SDK1: variants seen among roughly 807,000 people sequenced by gnomAD.
The protein encoded by SDK1 is protein sidekick-1.
In SDK1, 157 loss-of-function variants were observed where a neutral mutation model predicts 245.5. That is an observed-to-expected ratio of 0.64 (90% CI 0.56 to 0.73). The LOEUF (loss-of-function observed/expected upper bound fraction) is 0.73, where lower values mean the gene tolerates loss of function less well. Among genes scored for constraint, SDK1 ranks in the 30% least tolerant of loss-of-function variants. SDK1 has a pLI of 0.00. For missense variants in SDK1, 3,583 were observed against 3,002.3 expected, an observed-to-expected ratio of 1.19 and a Z score of -4.52; for synonymous variants, 1,647 against 1,278.5, an observed-to-expected ratio of 1.29 and a Z score of -6.15.
At chr7:3,961,994 CACACACAT>C (rs1421276005) in intron 8 of SDK1, among the ~76,000 whole-genome samples, 3 of 151,388 alleles carry the variant, frequency 2.0e-5, no homozygotes, top group Non-Finnish European at 4.4e-5. Context: ...TGCACAAACA[CACACACAT>C]ACACACATGT....
chr7:3,526,130 A>C (rs1406938107), intron 1 of SDK1, among the ~76,000 whole-genome samples: 1 of 151,866 alleles, frequency 6.6e-6, no homozygotes. Flanking sequence ...GCTATTCAGG[A>C]GCTGAGGCAG....
chr7:3,958,880 T>C (rs1297714440), intron 7 of SDK1, 51 bp from the exon 8 acceptor site: 1 of 1,413,624 alleles, frequency 7.1e-7, no homozygotes, highest in South Asian at 1.2e-5. Context: ...ATATGGTCTC[T>C]GACATATCCT....
At chr7:3,393,273 C>T (rs1013125665) in intron 1 of SDK1, among the ~76,000 whole-genome samples, 1 of 151,956 alleles carries the variant, frequency 6.6e-6, no homozygotes, top group African/African-American at 2.4e-5. Context: ...CACCCGGCCC[C>T]TATTTTCAGT....
chr7:4,060,835 G>C (rs1440682250), intron 19 of SDK1, among the ~76,000 whole-genome samples: 1 of 152,066 alleles, frequency 6.6e-6, no homozygotes, highest in East Asian at 1.9e-4. Context: ...GTAAGGAGGG[G>C]ATCCAGTTTC....
intron 1 of SDK1, among the ~76,000 whole-genome samples, chr7:3,545,349 G>A (rs1779186883): frequency 1.3e-5 from 2 of 152,106 alleles, no homozygotes; most frequent in Non-Finnish European, 2.9e-5. Context: ...AGAGTTAATG[G>A]CTAAAGTGAG....
chr7:4,004,792 C>A (rs1249946318), intron 14 of SDK1, among the ~76,000 whole-genome samples: 1 of 152,078 alleles, frequency 6.6e-6, no homozygotes, highest in African/African-American at 2.4e-5. Flanking sequence ...ATATCACCTG[C>A]TATTCAGTCT....
Position 3,974,637 on chromosome 7 carries a change from C to T in SDK1, c.1994+92C>T, listed in dbSNP as rs112639730. 1,029 of 1,245,648 alleles carry T rather than the reference C, an allele frequency of 8.3e-4. 7 individuals are homozygous for T. The African/African-American group carries it at 0.011, about 14-fold the overall frequency. The allele number at this position is 1,245,648 out of a possible 1,614,324, so 77.2% of individuals were successfully genotyped here. ...ACTGCCACTTCACAAGTGTCACGCC[C>T]GGCTTGTGTCCCAAGTCAGCGGTCA... On this transcript the variant is annotated intron_variant, in intron 13 of 44. Transcript: ENST00000404826.
At position 3,418,145 on chromosome 7, in the gene SDK1, G is replaced by GCAAAAAAAAAAA. The variant is rs1292199670; in HGVS notation, c.298+116261_298+116262insCAAAAAAAAAAA. On this transcript the variant is annotated intron_variant, in intron 1 of 44. Transcript: ENST00000404826. ...GTGAAACCCGATCTCTACTAAAAAT[G>GCAAAAAAAAAAA]AAAAAAAAAAAAAAAAAAAAAAATA... Among the ~76,000 whole-genome samples, 292 of 119,680 alleles carry GCAAAAAAAAAAA rather than the reference G, an allele frequency of 2.4e-3. 30 individuals carry two copies. Among genetic ancestry groups the GCAAAAAAAAAAA allele is most frequent in the African/African-American group, 0.011 (274 of 25,756 alleles). The allele number at this position is 119,680 out of a possible 152,430, so 78.5% of individuals were successfully genotyped here. A position where few individuals can be genotyped will look rare whatever the true frequency, so the allele number is the denominator to read the frequency against.
intron 1 of SDK1, among the ~76,000 whole-genome samples, chr7:3,520,091 T>G (rs1439740398): frequency 2.0e-5 from 3 of 152,244 alleles, no homozygotes; most frequent in African/African-American, 4.8e-5. Flanking sequence ...ATTCTGTTTT[T>G]GCCATTGTGT....
At chr7:3,800,182 T>C (rs1779070394) in intron 4 of SDK1, among the ~76,000 whole-genome samples, 3 of 152,210 alleles carry the variant, frequency 2.0e-5, no homozygotes, top group African/African-American at 7.2e-5. Flanking sequence ...GTGTCTAATA[T>C]TATGGGGGAA....
rs1283482093 is a variant in SDK1, at chr7:3,515,386, C to T, written c.299-103694C>T. On this transcript the variant is annotated intron_variant, in intron 1 of 44. Transcript: ENST00000404826. ...GCACAAATTACATCCTTCTGAATTG[C>T]TAAGCACAGGTCCATGTGATAGGCA... Among the ~76,000 whole-genome samples the T allele has an allele frequency of 5.3e-5, 8 of 152,190 alleles. No individual in the cohort carries two copies. In the East Asian group the frequency reaches 1.5e-3, roughly 29 times the overall value.
At chr7:3,910,168 A>C (rs1392014084) in intron 5 of SDK1, among the ~76,000 whole-genome samples, 1 of 152,180 alleles carries the variant, frequency 6.6e-6, no homozygotes, top group Non-Finnish European at 1.5e-5. Context: ...TTTCCCCTGG[A>C]ATGTGCAGCG....
At chr7:3,926,928 T>G (rs1779791577) in intron 5 of SDK1, among the ~76,000 whole-genome samples, 1 of 152,218 alleles carries the variant, frequency 6.6e-6, no homozygotes, top group Admixed American at 6.5e-5. Context: ...CCAGCAGGAC[T>G]TATGGGACAT....
intron 4 of SDK1, among the ~76,000 whole-genome samples, chr7:3,755,702 A>T (rs1358831188): frequency 6.6e-6 from 1 of 152,038 alleles, no homozygotes; most frequent in Admixed American, 6.5e-5. Flanking sequence ...ACAAACGCTG[A>T]TAGGTTTGTT....
chr7:3,832,249 T>C (rs1487448465), intron 5 of SDK1, among the ~76,000 whole-genome samples: 2 of 152,326 alleles, frequency 1.3e-5, no homozygotes, highest in East Asian at 1.9e-4. Context: ...AAAGAGACTT[T>C]CACCATTTTA....
In SDK1 at chr7:4,110,920, A is replaced by G. The variant is rs137995462; in HGVS notation, c.3434+148A>G. 2.3e-3 allele frequency: 1,436 copies of G among 634,802 alleles called. 2 individuals carry two copies. The highest frequency in any genetic ancestry group is 3.1e-3 in the Non-Finnish European group (1,096 of 349,604). The allele number at this position is 634,802 out of a possible 1,614,324, so 39.3% of individuals were successfully genotyped here. ...ACAGTACCTAAAAGCCTTAAGGAGC[A>G]GGCGGGATGCATAGCTTGGTGTTAT... On this transcript the variant is annotated intron_variant, in intron 23 of 44. Coordinates refer to ENST00000404826, the MANE Select transcript of SDK1 (RefSeq NM_152744.4).
At chr7:4,100,981 G>A (rs753797182) in intron 22 of SDK1, among the ~76,000 whole-genome samples, 4 of 152,146 alleles carry the variant, frequency 2.6e-5, no homozygotes, top group Non-Finnish European at 5.9e-5. Flanking sequence ...TGCAGGGTGC[G>A]TGACGGGGGA....
In SDK1 at chr7:3,741,987, C is replaced by CATATATATATATAT. The variant is rs142076799; in HGVS notation, c.714-79450_714-79437dup. Among the ~76,000 whole-genome samples the CATATATATATATAT allele has an allele frequency of 9.7e-3, 1,285 of 131,978 alleles. 7 individuals carry two copies. The highest frequency in any genetic ancestry group is 0.014 in the African/African-American group (470 of 34,662). The allele number at this position is 131,978 out of a possible 152,430, so 86.6% of individuals were successfully genotyped here. A position where few individuals can be genotyped will look rare whatever the true frequency, so the allele number is the denominator to read the frequency against. Reference sequence around the variant, plus strand: ...ATTTGTGTTCCCATATTGTAGTGTGCATATATATATATATATATATATATA... The same window carrying CATATATATATATAT: ...ATTTGTGTTCCCATATTGTAGTGTGCATATATATATATATATATATATATATATATATATATATA... On this transcript the variant is annotated intron_variant, in intron 4 of 44. Coordinates refer to ENST00000404826, the MANE Select transcript of SDK1 (RefSeq NM_152744.4).
intron 17 of SDK1, among the ~76,000 whole-genome samples, chr7:4,028,052 A>G (rs1787496838): frequency 6.6e-6 from 1 of 151,948 alleles, no homozygotes; most frequent in Non-Finnish European, 1.5e-5. Flanking sequence ...AAGGGAGGAG[A>G]AAATAAGTAG....
Sources: allele counts gnomAD v4.1 joint callset (sites outside exome capture counted in the v4.1 genomes callset), GRCh38; gene constraint gnomAD v4.1.1; transcripts MANE v1.5; gene names NCBI Gene and HGNC (gene_info 2026-07-23, HGNC 2026-07-21).